Variants in DNER observed in about 807,000 individuals in gnomAD.
The protein encoded by DNER is delta/notch like EGF repeat containing.
Under a neutral mutation model 78.2 loss-of-function variants are expected in DNER, and 33 were observed. That is an observed-to-expected ratio of 0.42 (90% confidence interval 0.32 to 0.56). The LOEUF is 0.56. DNER is among the 20% of genes least tolerant of loss of function. The pLI is 0.11. For synonymous variants in DNER, 417 were observed against 384.8 expected, an observed-to-expected ratio of 1.08 and a Z score of -0.98; for missense variants, 918 against 975.3, an observed-to-expected ratio of 0.94 and a Z score of 0.78.
In DNER at chr2:229,647,224, G is replaced by A. The variant is rs558358628; in HGVS notation, c.277-55336C>T. On this transcript the variant is annotated intron_variant, in intron 1 of 12. Coordinates refer to ENST00000341772, the MANE Select transcript of DNER (RefSeq NM_139072.4). The stretch of plus-strand genomic sequence containing the variant: ...GGGTAAGAAGAGGTCAGAGGGTTCC[G>A]GGATGGCCTAAGGAGGTGACGTGGG... Among the ~76,000 whole-genome samples, 8 of 152,268 alleles carry A rather than the reference G, an allele frequency of 5.3e-5. No individual in the cohort carries two copies. In the East Asian group the frequency reaches 7.7e-4, roughly 15 times the overall value.
At chr2:229,521,301 T>C (rs557946568) in intron 5 of DNER, among the ~76,000 whole-genome samples, 2 of 152,190 alleles carry the variant, frequency 1.3e-5, no homozygotes, top group Non-Finnish European at 2.9e-5. Context: ...GAAGACAGTG[T>C]GTCCTGGCCG....
chr2:229,397,459 A>G (rs1693170628), intron 10 of DNER, among the ~76,000 whole-genome samples: 1 of 144,990 alleles, frequency 6.9e-6, no homozygotes, highest in Non-Finnish European at 1.5e-5. Flanking sequence ...CCAGCCAAAC[A>G]CTACAAAAAA....
Position 229,367,001 on chromosome 2 carries a change from G to A in DNER, c.1974C>T (p.Ile658=), listed in dbSNP as rs141125901. 3.0e-5 allele frequency: 49 copies of A among 1,613,914 alleles called. No individual in the cohort carries two copies. The highest frequency in any genetic ancestry group is 1.6e-4 in the Middle Eastern group (1 of 6,084). ...VAFILMLIIL[I]VGICRISRIE... ...TGCGGCTGATGCGGCAAATCCCCAC[G>A]ATCAGGATGATCAGCATAAGGATGA... The change falls in exon 12 of 13, where the codon ATC becomes ATT. Residue 658 remains isoleucine (I), a synonymous_variant. Coordinates refer to ENST00000341772, the MANE Select transcript of DNER (RefSeq NM_139072.4).
At chr2:229,695,558 C>T (rs189941514) in intron 1 of DNER, among the ~76,000 whole-genome samples, 37 of 151,156 alleles carry the variant, frequency 2.4e-4, no homozygotes, top group Non-Finnish European at 3.8e-4. Context: ...TCTCTTTCAC[C>T]TTCATTTTCT....
At chr2:229,598,328 T>C (rs934010023) in intron 1 of DNER, among the ~76,000 whole-genome samples, 5 of 152,240 alleles carry the variant, frequency 3.3e-5, no homozygotes, top group Admixed American at 2.6e-4. Context: ...TCATGTGACA[T>C]TTATCAAGCA....
At chr2:229,473,048 G>A (rs1694956781) in intron 7 of DNER, among the ~76,000 whole-genome samples, 1 of 152,166 alleles carries the variant, frequency 6.6e-6, no homozygotes, top group African/African-American at 2.4e-5. Context: ...GCCTACCCAG[G>A]TCAGATGGAA....
intron 1 of DNER, among the ~76,000 whole-genome samples, chr2:229,631,150 C>T (rs533415595): frequency 1.3e-5 from 2 of 152,292 alleles, no homozygotes; most frequent in African/African-American, 2.4e-5. Flanking sequence ...TGGGTATACA[C>T]CCAGTAATGG....
At chr2:229,641,280 G>A (rs1179269612) in intron 1 of DNER, among the ~76,000 whole-genome samples, 2 of 152,208 alleles carry the variant, frequency 1.3e-5, no homozygotes, top group Non-Finnish European at 2.9e-5. Context: ...AGTGAGGCTG[G>A]AGAGTTGGAT....
chr2:229,697,715 A>G (rs1381421940), intron 1 of DNER, among the ~76,000 whole-genome samples: 1 of 152,208 alleles, frequency 6.6e-6, no homozygotes, highest in African/African-American at 2.4e-5. Context: ...CCAAGGAAGC[A>G]TGCTTCTTCC....
chr2:229,395,768 C>A (rs993554949), intron 10 of DNER, among the ~76,000 whole-genome samples: 1 of 152,116 alleles, frequency 6.6e-6, no homozygotes, highest in Non-Finnish European at 1.5e-5. Context: ...GGCGTGGTGG[C>A]ACACCTGTAA....
At chr2:229,656,220 G>A (rs1698909628) in intron 1 of DNER, among the ~76,000 whole-genome samples, 1 of 152,158 alleles carries the variant, frequency 6.6e-6, no homozygotes, top group South Asian at 2.1e-4. Context: ...GCAGTCTCAT[G>A]GGAAACAGGT....
In DNER at chr2:229,704,544, A is replaced by C. The variant is rs562106860; in HGVS notation, c.276+9604T>G. ...ATAAGAAACAAACAATTGATACATG[A>C]AACGACATGGATGTATCTCAAAAGC... is the stretch of plus-strand genomic sequence containing the variant. On this transcript the variant is annotated intron_variant, in intron 1 of 12. Transcript: ENST00000341772. 4.6e-5 allele frequency among the ~76,000 whole-genome samples: 7 copies of C among 152,390 alleles called. No homozygotes were observed. In the South Asian group the frequency reaches 1.4e-3, roughly 32 times the overall value.
rs751728378 is a variant in DNER, at chr2:229,576,701, T to C, written c.847+9157A>G. On this transcript the variant is annotated intron_variant, in intron 4 of 12. Transcript: ENST00000341772. Reference sequence around the variant, plus strand: ...TACTTTGTGTGATACTGGCTGTCAATGTGATTAGCAGAAAGTAATGTGAGA... The same window carrying C: ...TACTTTGTGTGATACTGGCTGTCAACGTGATTAGCAGAAAGTAATGTGAGA... Among the ~76,000 whole-genome samples, 7 of 152,148 alleles carry C rather than the reference T, an allele frequency of 4.6e-5. 1 individual carries two copies. Among genetic ancestry groups the C allele is most frequent in the Middle Eastern group, 6.8e-3 (2 of 292 alleles).
chr2:229,640,909 C>T (rs1381550948), intron 1 of DNER, among the ~76,000 whole-genome samples: 1 of 152,088 alleles, frequency 6.6e-6, no homozygotes, highest in Admixed American at 6.5e-5. Flanking sequence ...AGCAGAATGT[C>T]CAAAGGGGTG....
At chr2:229,358,999 G>A (rs1046677527) in intron 12 of DNER, among the ~76,000 whole-genome samples, 1 of 152,182 alleles carries the variant, frequency 6.6e-6, no homozygotes, top group African/African-American at 2.4e-5. Flanking sequence ...ATTTGGAGAG[G>A]TGAGTTTATT....
intron 1 of DNER, among the ~76,000 whole-genome samples, chr2:229,688,561 A>C (rs796397177): frequency 4.6e-5 from 7 of 152,326 alleles, no homozygotes; most frequent in African/African-American, 1.7e-4. Flanking sequence ...TTTTTTCAAG[A>C]TCTTGGCCCT....
In DNER at chr2:229,581,880, T is replaced by TTTTTTTTTA. The variant is rs532170514; in HGVS notation, c.847+3977_847+3978insTAAAAAAAA. Among the ~76,000 whole-genome samples the TTTTTTTTTA allele has an allele frequency of 2.3e-3, 348 of 152,194 alleles. 4 individuals carry two copies. The highest frequency in any genetic ancestry group is 7.8e-3 in the African/African-American group (322 of 41,494). On this transcript the variant is annotated intron_variant, in intron 4 of 12. Transcript: ENST00000341772. ...ACCTTTGGTCATCAGTTATGTTTAT[T>TTTTTTTTTA]TTTATTTATTTATTTATTATCCAGC... is the stretch of plus-strand genomic sequence containing the variant.
In DNER at chr2:229,370,064, A is replaced by G. The variant is rs73096260; in HGVS notation, c.1856-2945T>C. On this transcript the variant is annotated intron_variant, in intron 11 of 12. Transcript: ENST00000341772. ...CTTCTCACTGTCCATTATCGTTGAG[A>G]GTATTTGTGGCCTCTGGATACTCAC... Among the ~76,000 whole-genome samples the G allele has an allele frequency of 5.2e-3, 799 of 152,234 alleles. 6 individuals are homozygous for G. The highest frequency in any genetic ancestry group is 0.018 in the African/African-American group (737 of 41,536).
intron 8 of DNER, among the ~76,000 whole-genome samples, chr2:229,440,753 C>A (rs1051744900): frequency 2.4e-4 from 36 of 152,226 alleles, no homozygotes; most frequent in Non-Finnish European, 4.8e-4. Flanking sequence ...TTCCCATTTC[C>A]TCTGAATCAC....
Sources: allele counts gnomAD v4.1 joint callset (sites outside exome capture counted in the v4.1 genomes callset), GRCh38; gene constraint gnomAD v4.1.1; transcripts MANE v1.5; gene names NCBI Gene and HGNC (gene_info 2026-07-23, HGNC 2026-07-21).